Variants in PLA2G12A observed in about 807,000 individuals in gnomAD.
PLA2G12A encodes the protein group XIIA secretory phospholipase A2.
In PLA2G12A, 11 loss-of-function variants were observed where a neutral mutation model predicts 16.0. That is an observed-to-expected ratio of 0.69 (90% CI 0.43 to 1.13). The LOEUF is 1.13. Among genes scored for constraint, PLA2G12A ranks in the 50% most tolerant of loss-of-function variants. PLA2G12A has a pLI of 0.00. For missense variants in PLA2G12A, 214 were observed against 237.3 expected (o/e 0.90, Z 0.65); for synonymous variants, 77 against 93.8 (o/e 0.82, Z 1.03).
At chr4:109,726,634 A>C (rs1320527964) in intron 1 of PLA2G12A, among the ~76,000 whole-genome samples, 3 of 152,158 alleles carry the variant, frequency 2.0e-5, no homozygotes, top group Admixed American at 2.0e-4. Context: ...TGAATTAATT[A>C]ATGACTTATT....
chr4:109,723,406 G>A (rs1722853997), intron 1 of PLA2G12A, among the ~76,000 whole-genome samples: 1 of 152,176 alleles, frequency 6.6e-6, no homozygotes, highest in African/African-American at 2.4e-5. Context: ...AGTGTTGCCT[G>A]TTGCTCCCAG....
chr4:109,722,373 A>C (rs1251395483), intron 1 of PLA2G12A, among the ~76,000 whole-genome samples: 1 of 152,224 alleles, frequency 6.6e-6, no homozygotes, highest in East Asian at 1.9e-4. Context: ...ATCACCCCAA[A>C]ATTCATGTTG....
intron 3 of PLA2G12A, among the ~76,000 whole-genome samples, chr4:109,715,103 G>A (rs1376144941): frequency 6.6e-6 from 1 of 151,570 alleles, no homozygotes; most frequent in Non-Finnish European, 1.5e-5. Context: ...GGGCCACCAT[G>A]CCTGGCCCAA....
In PLA2G12A at chr4:109,714,030, T is replaced by G. The variant is rs1173570881; in HGVS notation, c.*347A>C. 5.3e-6 allele frequency: 1 copy of G among 190,264 alleles called. No individual in the cohort carries two copies. Among genetic ancestry groups the G allele is most frequent in the Admixed American group, 5.6e-5 (1 of 17,870 alleles). The allele number at this position is 190,264 out of a possible 1,614,324, so 11.8% of individuals were successfully genotyped here. A position where few individuals can be genotyped will look rare whatever the true frequency, so the allele number is the denominator to read the frequency against. On this transcript the variant is annotated 3_prime_UTR_variant, in exon 4 of 4. Coordinates refer to ENST00000243501, the MANE Select transcript of PLA2G12A (RefSeq NM_030821.5). ...AACAGACATTATGATGAATTTTATA[T>G]TTGATCTCTTTTTTTGGTAAATGTG...
Position 109,718,727 on chromosome 4 carries a change from G to T in PLA2G12A, c.241C>A (p.Pro81Thr). The T allele has an allele frequency of 6.3e-7, 1 of 1,599,840 alleles. No individual in the cohort carries two copies. Among genetic ancestry groups the T allele is most frequent in the Non-Finnish European group, 8.5e-7 (1 of 1,172,450 alleles). Residue 81 changes from proline (P) to threonine (T), a missense_variant, in exon 2 of 4, where the codon CCC becomes ACC. Physicochemically the swap from Pro to Thr is conservative, Grantham distance 38. Coordinates refer to ENST00000243501, the MANE Select transcript of PLA2G12A (RefSeq NM_030821.5). Reference protein sequence around the residue: ...SKPFPRYGYKPSPPNGCGSPL... With the variant: ...SKPFPRYGYKTSPPNGCGSPL... ...GAGCCACATCCATTCGGTGGGGAGG[G>T]TTTATAACCATAACGTGGGAAAGGC...
In PLA2G12A at chr4:109,714,303, G is replaced by A; in HGVS notation, c.*74C>T. Reference sequence around the variant, plus strand: ...TTTCACAAAAATAAGACAGTTTTATGTTGTAAAAACATTAGTTATTTGTCA... The same window carrying A: ...TTTCACAAAAATAAGACAGTTTTATATTGTAAAAACATTAGTTATTTGTCA... On this transcript the variant is annotated 3_prime_UTR_variant, in exon 4 of 4. Transcript: ENST00000243501. 1.0e-6 allele frequency: 1 copy of A among 959,772 alleles called. No individual in the cohort carries two copies. Among genetic ancestry groups the A allele is most frequent in the Non-Finnish European group, 1.7e-6 (1 of 600,626 alleles). 59.5% of individuals were successfully genotyped at this position (959,772 alleles called of 1,614,324 possible).
At chr4:109,724,629 G>A (rs1207061040) in intron 1 of PLA2G12A, among the ~76,000 whole-genome samples, 1 of 152,072 alleles carries the variant, frequency 6.6e-6, no homozygotes, top group Non-Finnish European at 1.5e-5. Flanking sequence ...TCTCATAAGA[G>A]ATAATTACCT....
intron 1 of PLA2G12A, among the ~76,000 whole-genome samples, chr4:109,725,399 T>G (rs941381185): frequency 6.6e-6 from 1 of 152,256 alleles, no homozygotes; most frequent in Non-Finnish European, 1.5e-5. Flanking sequence ...ATATTTTAAA[T>G]TTTGTTATAG....
chr4:109,713,582 C>T lies in PLA2G12A; in HGVS notation c.*795G>A, dbSNP rs1347625419. 6.6e-6 allele frequency: 1 copy of T among 152,102 alleles called. No individual in the cohort carries two copies. Among genetic ancestry groups the T allele is most frequent in the Non-Finnish European group, 1.5e-5 (1 of 68,014 alleles). The allele number at this position is 152,102 out of a possible 1,614,324, so 9.4% of individuals were successfully genotyped here. A position where few individuals can be genotyped will look rare whatever the true frequency, so the allele number is the denominator to read the frequency against. On this transcript the variant is annotated 3_prime_UTR_variant, in exon 4 of 4. Coordinates refer to ENST00000243501, the MANE Select transcript of PLA2G12A (RefSeq NM_030821.5). ...ATCTTTTCATTTATCTCATTAAATCCATCTTTTCTCTAACTTGGCAAAGGT... is the reference window on the plus strand; with the variant it reads ...ATCTTTTCATTTATCTCATTAAATCTATCTTTTCTCTAACTTGGCAAAGGT...
intron 1 of PLA2G12A, among the ~76,000 whole-genome samples, chr4:109,721,207 A>C (rs1240089684): frequency 6.6e-6 from 1 of 152,230 alleles, no homozygotes; most frequent in Admixed American, 6.5e-5. Flanking sequence ...AGCCCTGTCC[A>C]TAAGGAAGGG....
rs551686180 is a variant in PLA2G12A at position 109,719,019 on chromosome 4, G to C, written c.209-260C>G. 1.7e-4 allele frequency among the ~76,000 whole-genome samples: 26 copies of C among 152,256 alleles called. No individual in the cohort carries two copies. The South Asian group carries it at 5.4e-3, about 32-fold the overall frequency. On this transcript the variant is annotated intron_variant, in intron 1 of 3. Coordinates refer to ENST00000243501, the MANE Select transcript of PLA2G12A (RefSeq NM_030821.5). ...AGCAACTCATAAAATGTAATTATTTGTAAGCCTATGTCATACGAAACATAC... is the reference window on the plus strand; with the variant it reads ...AGCAACTCATAAAATGTAATTATTTCTAAGCCTATGTCATACGAAACATAC...
At chr4:109,715,685 G>C (rs1188884481) in intron 3 of PLA2G12A, among the ~76,000 whole-genome samples, 2 of 152,096 alleles carry the variant, frequency 1.3e-5, no homozygotes, top group Non-Finnish European at 2.9e-5. Flanking sequence ...ATGTTGGCCA[G>C]GCTGCTCTCA....
At chr4:109,719,670 A>T (rs1300948897) in intron 1 of PLA2G12A, among the ~76,000 whole-genome samples, 1 of 152,196 alleles carries the variant, frequency 6.6e-6, no homozygotes, top group Non-Finnish European at 1.5e-5. Context: ...TGAGTCACAT[A>T]AATTTTTTTG....
rs1408849448 is a variant in PLA2G12A at position 109,729,812 on chromosome 4, G to T, written c.-3C>A. The T allele has an allele frequency of 1.9e-6, 3 of 1,547,776 alleles. No homozygotes were observed. In the Admixed American group the frequency reaches 5.9e-5, roughly 30 times the overall value. ...GCGGGGCGCGAGAGCAGGGCCATGC[G>T]CGCAGCGCCGGGCTCTACGGGTCCC... On this transcript the variant is annotated 5_prime_UTR_variant, in exon 1 of 4. Coordinates refer to ENST00000243501, the MANE Select transcript of PLA2G12A (RefSeq NM_030821.5).
chr4:109,728,745 C>A (rs1031270835), intron 1 of PLA2G12A, among the ~76,000 whole-genome samples: 2 of 152,148 alleles, frequency 1.3e-5, no homozygotes, highest in Non-Finnish European at 2.9e-5. Context: ...GATTATTTTC[C>A]GCTGCCAGCA....
intron 3 of PLA2G12A, among the ~76,000 whole-genome samples, chr4:109,714,957 T>TTTTGTTTG (rs3086325): frequency 1.2e-3 from 178 of 150,796 alleles, no homozygotes; most frequent in South Asian, 5.3e-3. Context: ...ACCCAGCTAT[T>TTTTGTTTG]TTTGTTTGTT....
At chr4:109,716,766 A>G (rs1730835611) in intron 3 of PLA2G12A, among the ~76,000 whole-genome samples, 1 of 152,160 alleles carries the variant, frequency 6.6e-6, no homozygotes, top group Non-Finnish European at 1.5e-5. Context: ...CTAGTAAATC[A>G]CTGAACCTGG....
intron 1 of PLA2G12A, among the ~76,000 whole-genome samples, chr4:109,721,590 G>A (rs1730945416): frequency 6.6e-6 from 1 of 152,118 alleles, no homozygotes; most frequent in African/African-American, 2.4e-5. Flanking sequence ...AAAGTGTTGG[G>A]ATTACAGGCA....
rs1041487107 is a variant in PLA2G12A at position 109,711,746 on chromosome 4, C to A, written c.*2631G>T. The A allele has an allele frequency of 2.0e-5, 3 of 152,016 alleles. No homozygotes were observed. The highest frequency in any genetic ancestry group is 4.4e-5 in the Non-Finnish European group (3 of 68,010). The allele number at this position is 152,016 out of a possible 1,614,324, so 9.4% of individuals were successfully genotyped here. On this transcript the variant is annotated 3_prime_UTR_variant, in exon 4 of 4. Transcript: ENST00000243501. ...ATGACTGGACTTAGTGACTGTTTTCCAAAGAACAGAAGTATGGAAAGGGAA... is the reference window on the plus strand; with the variant it reads ...ATGACTGGACTTAGTGACTGTTTTCAAAAGAACAGAAGTATGGAAAGGGAA...
Sources: allele counts gnomAD v4.1 joint callset (sites outside exome capture counted in the v4.1 genomes callset), GRCh38; gene constraint gnomAD v4.1.1; transcripts MANE v1.5; gene names NCBI Gene and HGNC (gene_info 2026-07-23, HGNC 2026-07-21).